CREB3L1: variants seen among roughly 807,000 people sequenced by gnomAD.
CREB3L1 encodes cAMP responsive element binding protein 3 like 1.
In CREB3L1, 33 loss-of-function variants were observed where a neutral mutation model predicts 54.5. The observed-to-expected ratio is 0.61, with a 90% CI of 0.46 to 0.81. The LOEUF (loss-of-function observed/expected upper bound fraction) is 0.81. Ranked by LOEUF, CREB3L1 falls within the 30% of genes least tolerant of loss-of-function variation. The probability of loss-of-function intolerance (pLI) is 0.00; values close to 1 mark genes in which losing one functional copy is unlikely to be tolerated. For synonymous variants in CREB3L1, 284 were observed against 286.4 expected (o/e 0.99, Z 0.08); for missense variants, 656 against 673.3 (o/e 0.97, Z 0.29).
intron 2 of CREB3L1, among the ~76,000 whole-genome samples, chr11:46,303,233 C>T (rs1353803095): frequency 6.6e-6 from 1 of 152,184 alleles, no homozygotes; most frequent in Non-Finnish European, 1.5e-5. Flanking sequence ...CCTCTCTAGG[C>T]CTCTGTTTCC....
In CREB3L1 at chr11:46,320,690, G is replaced by A. The variant is rs1438932123; in HGVS notation, c.1524-20G>A. 1 of 1,607,856 alleles carries A rather than the reference G, an allele frequency of 6.2e-7. No individual in the cohort carries two copies. Among genetic ancestry groups the A allele is most frequent in the Non-Finnish European group, 8.5e-7 (1 of 1,176,416 alleles). ...GGGTTCCTGCTGGACAGTCATCGCT[G>A]GCCTCTCTTCTCTCTCCAGGGATCT... On this transcript the variant is annotated intron_variant, in intron 11 of 11. Coordinates refer to ENST00000621158, the MANE Select transcript of CREB3L1 (RefSeq NM_052854.4).
intron 5 of CREB3L1, among the ~76,000 whole-genome samples, chr11:46,312,027 G>A (rs1939494331): frequency 6.6e-6 from 1 of 152,186 alleles, no homozygotes. Flanking sequence ...AGGGGTCTGA[G>A]GGAGATGCTG....
intron 1 of CREB3L1, among the ~76,000 whole-genome samples, chr11:46,291,294 C>T (rs772479788): frequency 1.8e-4 from 28 of 152,230 alleles, no homozygotes; most frequent in Non-Finnish European, 3.7e-4. Context: ...GTAATAATAA[C>T]AGCTACATTT....
At position 46,278,536 on chromosome 11, in the gene CREB3L1, G is replaced by C. The variant is rs1418476325; in HGVS notation, c.102+323G>C. Reference sequence around the variant, plus strand: ...CGTCCCCAACCCACCCCAGGTTCCAGGACCAGACTGGGCGCAAAGTGGCAG... The same window carrying C: ...CGTCCCCAACCCACCCCAGGTTCCACGACCAGACTGGGCGCAAAGTGGCAG... On this transcript the variant is annotated intron_variant, in intron 1 of 11. Transcript: ENST00000621158. This position sits in a 1 kb window ranked among gnomAD's most constrained non-coding sequence, Gnocchi z 4.2. 6.6e-6 allele frequency among the ~76,000 whole-genome samples: 1 copy of C among 152,210 alleles called. No homozygotes were observed. The highest frequency in any genetic ancestry group is 1.5e-5 in the Non-Finnish European group (1 of 68,034).
Position 46,312,606 on chromosome 11 carries a change from CT to C in CREB3L1, c.904-5del. 1 of 1,611,280 alleles carries C rather than the reference CT, an allele frequency of 6.2e-7. No individual in the cohort carries two copies. On this transcript the variant is annotated splice_polypyrimidine_tract_variant and splice_region_variant and intron_variant, in intron 6 of 11. Coordinates refer to ENST00000621158, the MANE Select transcript of CREB3L1 (RefSeq NM_052854.4). ...CTAACCCTTGTTTTCGGGCCTCCCCCTCTAGATCTCAGCCCAGGAGAGCCGT... is the reference window on the plus strand; with the variant it reads ...CTAACCCTTGTTTTCGGGCCTCCCCCCTAGATCTCAGCCCAGGAGAGCCGT...
intron 11 of CREB3L1, 54 bp downstream of exon 11, chr11:46,320,582 G>T: frequency 6.5e-7 from 1 of 1,550,162 alleles, no homozygotes; most frequent in Non-Finnish European, 8.7e-7. Context: ...CCTGCCTCCT[G>T]CCCACCCTTG....
At position 46,311,057 on chromosome 11, in the gene CREB3L1, GC is replaced by G; in HGVS notation, c.627del (p.Ser210AlafsTer53). Reference protein sequence around the residue: ...PEDLVQMPPTPPSSHGSDSDG... With the variant: ...PEDLVQMPPTXPSSHGSDSDG... ...AGGACCTGGTGCAGATGCCTCCGACGCCCCCCAGCAGCCATGGCAGTGACAG... is the reference window on the plus strand; with the variant it reads ...AGGACCTGGTGCAGATGCCTCCGACGCCCCCAGCAGCCATGGCAGTGACAG... On this transcript the variant is annotated frameshift_variant, in exon 5 of 12. Transcript: ENST00000621158. LOFTEE classifies it high-confidence loss of function. 2.5e-6 allele frequency: 4 copies of G among 1,605,632 alleles called. No homozygotes were observed.
At chr11:46,297,541 G>A (rs756836005) in intron 1 of CREB3L1, among the ~76,000 whole-genome samples, 1 of 148,584 alleles carries the variant, frequency 6.7e-6, no homozygotes, top group African/African-American at 2.5e-5. Context: ...CTGCATTAGC[G>A]CCCTTGGCCT....
At chr11:46,296,048 G>C (rs754231730) in intron 1 of CREB3L1, among the ~76,000 whole-genome samples, 5 of 152,224 alleles carry the variant, frequency 3.3e-5, no homozygotes, top group Non-Finnish European at 7.3e-5. Context: ...AGGCACCCCT[G>C]TAGGACGCTC....
chr11:46,297,078 G>A lies in CREB3L1; in HGVS notation c.103-2857G>A, dbSNP rs144654335. On this transcript the variant is annotated intron_variant, in intron 1 of 11. Transcript: ENST00000621158. ...GAAATACCTTAGCGGCTGACTCACC[G>A]GCTCCCTCTGCTCACAGCCCCCTCC... Among the ~76,000 whole-genome samples, 1,286 of 152,282 alleles carry A rather than the reference G, an allele frequency of 8.4e-3. 15 individuals are homozygous for A. Among genetic ancestry groups the A allele is most frequent in the African/African-American group, 0.028 (1,175 of 41,552 alleles).
chr11:46,293,813 G>A (rs545492393), intron 1 of CREB3L1, among the ~76,000 whole-genome samples: 3 of 152,332 alleles, frequency 2.0e-5, no homozygotes, highest in South Asian at 2.1e-4. Context: ...GTGTGACAGC[G>A]AGTATGCGTG....
At chr11:46,302,415 C>CCTGAATGGG (rs1486361326) in intron 2 of CREB3L1, among the ~76,000 whole-genome samples, 3 of 152,098 alleles carry the variant, frequency 2.0e-5, no homozygotes. Flanking sequence ...GCATTCAAGA[C>CCTGAATGGG]CCACATTGTG....
chr11:46,279,573 C>G (rs1010447689), intron 1 of CREB3L1, among the ~76,000 whole-genome samples: 1 of 152,230 alleles, frequency 6.6e-6, no homozygotes, highest in African/African-American at 2.4e-5. Flanking sequence ...AGCTTGGCCC[C>G]TACCACTGGC....
chr11:46,287,614 G>T (rs1213398593), intron 1 of CREB3L1, among the ~76,000 whole-genome samples: 1 of 151,996 alleles, frequency 6.6e-6, no homozygotes, highest in East Asian at 1.9e-4. Context: ...TTTAATTTTT[G>T]TGGGTACATA....
At position 46,311,209 on chromosome 11, in the gene CREB3L1, C is replaced by G. The variant is rs759673733; in HGVS notation, c.753+20C>G. On this transcript the variant is annotated intron_variant, in intron 5 of 11. Transcript: ENST00000621158. ...CCTCACGTAAGGAGCTGGGGGTGGG[C>G]TGATCCCAGAAATGAGGAATTGAAT... 6.5e-7 allele frequency: 1 copy of G among 1,534,832 alleles called. No individual in the cohort carries two copies. Among genetic ancestry groups the G allele is most frequent in the Non-Finnish European group, 8.7e-7 (1 of 1,144,852 alleles).
Position 46,316,270 on chromosome 11 carries a change from G to A in CREB3L1, c.1032-16G>A. The A allele has an allele frequency of 1.3e-6, 2 of 1,522,322 alleles. No individual in the cohort carries two copies. Among genetic ancestry groups the A allele is most frequent in the Non-Finnish European group, 1.8e-6 (2 of 1,119,586 alleles). 94.3% of individuals were successfully genotyped at this position (1,522,322 alleles called of 1,614,324 possible). On this transcript the variant is annotated splice_polypyrimidine_tract_variant and intron_variant, in intron 8 of 11. Transcript: ENST00000621158. ...CGGGGTCAAAGCCTGCCAGCTGACT[G>A]CTGTGCCCTCCTCAGGACCCTGCTC...
intron 10 of CREB3L1, among the ~76,000 whole-genome samples, chr11:46,317,840 A>G (rs1939589746): frequency 6.6e-6 from 1 of 152,206 alleles, no homozygotes; most frequent in Non-Finnish European, 1.5e-5. Flanking sequence ...CACCATCAGT[A>G]TCTCATGATA....
At chr11:46,309,311 C>T (rs980491717) in intron 3 of CREB3L1, among the ~76,000 whole-genome samples, 1 of 152,202 alleles carries the variant, frequency 6.6e-6, no homozygotes, top group Non-Finnish European at 1.5e-5. Context: ...CCCAACAACG[C>T]CTTCCTCAGA....
intron 1 of CREB3L1, among the ~76,000 whole-genome samples, chr11:46,284,173 A>G (rs1048610040): frequency 6.6e-6 from 1 of 152,166 alleles, no homozygotes; most frequent in Admixed American, 6.5e-5. Flanking sequence ...CCTCCAGTCA[A>G]TCGCGGACGA....
Sources: allele counts gnomAD v4.1 joint callset (sites outside exome capture counted in the v4.1 genomes callset), GRCh38; gene constraint gnomAD v4.1.1; non-coding constraint Gnocchi (gnomAD v3.1); transcripts MANE v1.5; gene names NCBI Gene and HGNC (gene_info 2026-07-23, HGNC 2026-07-21).